Variants in COMMD1 observed in about 807,000 individuals in gnomAD.
The protein encoded by COMMD1 is COMM domain-containing protein 1.
In COMMD1, 10 loss-of-function variants were observed where a neutral mutation model predicts 17.2. The observed-to-expected ratio is 0.58, with a 90% CI of 0.36 to 0.99. COMMD1 has a LOEUF of 0.99. Among genes scored for constraint, COMMD1 ranks in the 50% least tolerant of loss-of-function variants. The probability of loss-of-function intolerance (pLI) is 0.01; values close to 1 mark genes in which losing one functional copy is unlikely to be tolerated. For missense variants in COMMD1, 270 were observed against 231.8 expected, an observed-to-expected ratio of 1.17 and a Z score of -1.07; for synonymous variants, 97 against 91.6, an observed-to-expected ratio of 1.06 and a Z score of -0.34.
intron 1 of COMMD1, among the ~76,000 whole-genome samples, chr2:61,997,986 C>G (rs1384786475): frequency 6.6e-6 from 1 of 152,236 alleles, no homozygotes; most frequent in African/African-American, 2.4e-5. Context: ...CTTGCTGCAG[C>G]TCATACGTCA....
chr2:61,909,712 A>C (rs1669857415), intron 1 of COMMD1, among the ~76,000 whole-genome samples: 1 of 152,212 alleles, frequency 6.6e-6, no homozygotes, highest in African/African-American at 2.4e-5. Context: ...TTATCTATGT[A>C]ATATCATGGT....
chr2:61,989,446 A>G (rs978423696), intron 1 of COMMD1, among the ~76,000 whole-genome samples: 81 of 151,306 alleles, frequency 5.4e-4, no homozygotes, highest in African/African-American at 1.9e-3. Context: ...CTCGCCCCCA[A>G]ACCCTGGCAA....
intron 1 of COMMD1, among the ~76,000 whole-genome samples, chr2:61,947,685 AAAC>A (rs932336647): frequency 6.6e-6 from 1 of 151,814 alleles, no homozygotes; most frequent in Non-Finnish European, 1.5e-5. Flanking sequence ...TTGTCTCAAA[AAAC>A]AACAAACAAA....
intron 2 of COMMD1, among the ~76,000 whole-genome samples, chr2:62,018,671 G>A (rs553806454): frequency 6.6e-6 from 1 of 152,212 alleles, no homozygotes; most frequent in Non-Finnish European, 1.5e-5. Flanking sequence ...GACCTTGACA[G>A]TCTTGAAGAA....
At chr2:61,975,192 C>T (rs1671768942) in intron 1 of COMMD1, among the ~76,000 whole-genome samples, 2 of 127,676 alleles carry the variant, frequency 1.6e-5, no homozygotes, top group South Asian at 4.8e-4. Context: ...CTTAGATAAG[C>T]TCATTTCTTT....
intron 1 of COMMD1, among the ~76,000 whole-genome samples, chr2:61,964,837 C>A (rs1475174789): frequency 6.6e-6 from 1 of 152,082 alleles, no homozygotes; most frequent in African/African-American, 2.4e-5. Context: ...CATGCCACTG[C>A]ACTCTAGCCT....
chr2:61,954,593 A>G (rs1299874805), intron 1 of COMMD1, among the ~76,000 whole-genome samples: 2 of 152,150 alleles, frequency 1.3e-5, no homozygotes, highest in Non-Finnish European at 2.9e-5. Flanking sequence ...TCTTTTAGTC[A>G]TTTGCAACAT....
At chr2:61,990,891 A>ATAT (rs1491407705) in intron 1 of COMMD1, among the ~76,000 whole-genome samples, 1 of 103,850 alleles carries the variant, frequency 9.6e-6, no homozygotes, top group Non-Finnish European at 2.1e-5. Context: ...AAAAAAAAAA[A>ATAT]ATATATATAT....
intron 2 of COMMD1, among the ~76,000 whole-genome samples, chr2:62,061,631 C>G (rs1476330751): frequency 6.7e-6 from 1 of 150,186 alleles, no homozygotes; most frequent in African/African-American, 2.4e-5. Context: ...TCTCAGCTCA[C>G]TGCAAGCTCT....
intron 1 of COMMD1, among the ~76,000 whole-genome samples, chr2:61,921,279 T>C (rs1329720286): frequency 6.6e-6 from 1 of 152,016 alleles, no homozygotes; most frequent in African/African-American, 2.4e-5. Context: ...CTAAAAAATA[T>C]ATTTTTTATC....
chr2:61,952,791 A>G (rs757383531), intron 1 of COMMD1, among the ~76,000 whole-genome samples: 1 of 152,162 alleles, frequency 6.6e-6, no homozygotes, highest in Non-Finnish European at 1.5e-5. Context: ...GGAAGGACCC[A>G]CTGGGCGATT....
intron 1 of COMMD1, among the ~76,000 whole-genome samples, chr2:61,990,213 G>A (rs911460221): frequency 6.6e-5 from 10 of 152,174 alleles, no homozygotes; most frequent in African/African-American, 2.2e-4. Context: ...AAGAGGTAGG[G>A]GGATATGAAG....
intron 1 of COMMD1, among the ~76,000 whole-genome samples, chr2:61,893,006 T>C (rs1287772860): frequency 6.6e-6 from 1 of 151,872 alleles, no homozygotes; most frequent in African/African-American, 2.4e-5. Flanking sequence ...TAGCTGGGAC[T>C]ATAGGCATGC....
At chr2:62,089,551 G>C (rs1179743333) in intron 2 of COMMD1, among the ~76,000 whole-genome samples, 1 of 152,132 alleles carries the variant, frequency 6.6e-6, no homozygotes, top group Non-Finnish European at 1.5e-5. Context: ...TCAAAGTGCT[G>C]GGATTACAGG....
At chr2:62,038,334 A>G (rs1193497152) in intron 2 of COMMD1, among the ~76,000 whole-genome samples, 1 of 152,042 alleles carries the variant, frequency 6.6e-6, no homozygotes, top group African/African-American at 2.4e-5. Context: ...ATAACCAAAA[A>G]ACGATGAATC....
At chr2:62,036,613 G>T (rs1310617854) in intron 2 of COMMD1, among the ~76,000 whole-genome samples, 1 of 152,156 alleles carries the variant, frequency 6.6e-6, no homozygotes, top group African/African-American at 2.4e-5. Context: ...GATGTAAGGG[G>T]CTTTGTTTTG....
chr2:62,000,711 C>T lies in COMMD1; in HGVS notation c.191C>T (p.Ser64Phe). 3.7e-6 allele frequency: 6 copies of T among 1,614,104 alleles called. No individual in the cohort carries two copies. The highest frequency in any genetic ancestry group is 5.1e-6 in the Non-Finnish European group (6 of 1,180,032). The change falls in exon 2 of 3, where the codon TCT becomes TTT. Residue 64 changes from serine (S) to phenylalanine (F), a missense_variant. Transcript: ENST00000311832. ...KMRGILKSIA[S>F]ADMDFNQLEA... Reference sequence around the variant, plus strand: ...CTGTCATCTTTATAGTCTATTGCGTCTGCAGACATGGATTTCAACCAGCTG... The same window carrying T: ...CTGTCATCTTTATAGTCTATTGCGTTTGCAGACATGGATTTCAACCAGCTG...
At chr2:61,983,967 T>C (rs773894540) in intron 1 of COMMD1, among the ~76,000 whole-genome samples, 4 of 152,206 alleles carry the variant, frequency 2.6e-5, no homozygotes, top group Non-Finnish European at 4.4e-5. Flanking sequence ...TGGGGACTTA[T>C]AGCTATAAAC....
At chr2:61,955,312 T>TTC (rs70946770) in intron 1 of COMMD1, among the ~76,000 whole-genome samples, 25,573 of 145,284 alleles carry the variant, frequency 0.18, 2,135 homozygotes, top group Non-Finnish European at 0.2. Flanking sequence ...CTCTCTCTCT[T>TTC]TCTCTCTCTC....
Sources: gnomAD v4.1 joint callset for allele counts (sites outside exome capture counted in the v4.1 genomes callset) on GRCh38, gnomAD v4.1.1 for gene constraint, MANE v1.5 for transcripts, NCBI Gene and HGNC (gene_info 2026-07-23, HGNC 2026-07-21) for gene names.